GORASP1: variants seen among roughly 807,000 people sequenced by gnomAD.
GORASP1 encodes golgi reassembly stacking protein 1, also known as Golgi reassembly-stacking protein 1.
In GORASP1, 31 loss-of-function variants were observed where a neutral mutation model predicts 37.7. That is an observed-to-expected ratio of 0.82 (90% confidence interval 0.62 to 1.11). GORASP1 has a LOEUF of 1.11. GORASP1 is among the 50% of genes least tolerant of loss of function. The pLI, the probability that GORASP1 is intolerant of heterozygous loss-of-function variation, is 0.00. For missense variants in GORASP1, 476 were observed against 560.7 expected (o/e 0.85, Z 1.53); for synonymous variants, 204 against 224.8 (o/e 0.91, Z 0.83).
chr3:39,099,465 G>T lies in GORASP1; in HGVS notation c.804C>A (p.Pro268=), dbSNP rs751673615. Reference sequence around the variant, plus strand: ...GGCTGGGACTCCCAGGCCCAGGAAGGGGATCCTCCATGGAGGAGCCAGGTG... The same window carrying T: ...GGCTGGGACTCCCAGGCCCAGGAAGTGGATCCTCCATGGAGGAGCCAGGTG... ...LQAPGSSMED[P]LPGPGSPSHS... is the part of the protein sequence containing the mutation. The change falls in exon 7 of 9, where the codon CCC becomes CCA. Residue 268 remains proline, a synonymous_variant. Coordinates refer to ENST00000319283, the MANE Select transcript of GORASP1 (RefSeq NM_031899.4). 2 of 1,611,362 alleles carry T rather than the reference G, an allele frequency of 1.2e-6. No individual in the cohort carries two copies. The highest frequency in any genetic ancestry group is 1.7e-6 in the Non-Finnish European group (2 of 1,178,930).
rs867380586 is a variant in GORASP1 at position 39,100,945 on chromosome 3, T to C, written c.436-68A>G. The C allele has an allele frequency of 6.2e-7, 1 of 1,613,724 alleles. No homozygotes were observed. The highest frequency in any genetic ancestry group is 8.5e-7 in the Non-Finnish European group (1 of 1,179,638). On this transcript the variant is annotated intron_variant, in intron 4 of 8. Coordinates refer to ENST00000319283, the MANE Select transcript of GORASP1 (RefSeq NM_031899.4). The surrounding 1 kb of genome is among the most constrained non-coding windows in gnomAD (Gnocchi z 4.6). ...AAGCCTCAACAAAACCAGACACTTC[T>C]CATGGACAGCACCCTTCTCTTCACA...
intron 1 of GORASP1, chr3:39,106,988 C>A (rs1273694806): frequency 6.7e-6 from 3 of 445,802 alleles, no homozygotes; most frequent in South Asian, 4.8e-5. Flanking sequence ...CCCTTACGAC[C>A]CTACGACTGG....
chr3:39,098,706 T>A lies in GORASP1; in HGVS notation c.1069+35A>T, dbSNP rs1253495568. 6.2e-7 allele frequency: 1 copy of A among 1,606,016 alleles called. No homozygotes were observed. The highest frequency in any genetic ancestry group is 1.7e-5 in the Admixed American group (1 of 59,334). ...CAGCCTTCCCAACAACCCGGGGTCC[T>A]TCCCAGAGGACTTCGGAAGGTGATG... On this transcript the variant is annotated intron_variant, in intron 8 of 8. Transcript: ENST00000319283. This position sits in a 1 kb window ranked among gnomAD's most constrained non-coding sequence, Gnocchi z 4.7.
chr3:39,102,882 C>T lies in GORASP1; in HGVS notation c.145-1G>A, dbSNP rs1243966044. ...CCTTCAGGGTGTCATTCTCCTTGTT[C>T]TGTGGGGGCAATGGGGCTGACTCCA... On this transcript the variant is annotated splice_acceptor_variant, in intron 2 of 8. Coordinates refer to ENST00000319283, the MANE Select transcript of GORASP1 (RefSeq NM_031899.4). LOFTEE classifies it high-confidence loss of function. The surrounding 1 kb of genome is among the most constrained non-coding windows in gnomAD (Gnocchi z 5.0). The T allele has an allele frequency of 6.2e-7, 1 of 1,614,000 alleles. No homozygotes were observed. Among genetic ancestry groups the T allele is most frequent in the Non-Finnish European group, 8.5e-7 (1 of 1,179,994 alleles).
At chr3:39,099,241 T>G in intron 7 of GORASP1, 112 bp downstream of exon 7, 1 of 1,178,694 alleles carries the variant, frequency 8.5e-7, no homozygotes, top group East Asian at 2.4e-5. Flanking sequence ...ATTAAATATC[T>G]TGGTATACAT....
Position 39,107,505 on chromosome 3 carries a change from C to T in GORASP1, c.37G>A (p.Gly13Ser), listed in dbSNP as rs563985037. The T allele has an allele frequency of 6.8e-6, 10 of 1,462,884 alleles. No individual in the cohort carries two copies. The African/African-American group carries it at 1.2e-4, about 17-fold the overall frequency. The allele number at this position is 1,462,884 out of a possible 1,614,324, so 90.6% of individuals were successfully genotyped here. The change falls in exon 1 of 9, where the codon GGC (glycine) becomes AGC (serine). Residue 13 changes from glycine (G) to serine (S), a missense_variant. Transcript: ENST00000319283. ...LGVSAEQPAG[G>S]AEGFHLHGVQ... ...CCGTGGAGGTGGAAGCCCTCGGCGC[C>T]GCCTGCGGGCTGCTCAGCGCTGACG...
At chr3:39,107,333 AC>A (rs1289711946) in intron 1 of GORASP1, 145 bp downstream of exon 1, 5 of 505,020 alleles carry the variant, frequency 9.9e-6, no homozygotes, top group Non-Finnish European at 1.6e-5. Context: ...GGAGGCTCCC[AC>A]CGGGCAGGGG....
rs529887950 is a variant in GORASP1 at position 39,102,579 on chromosome 3, C to T, written c.348+99G>A. Reference sequence around the variant, plus strand: ...GGCCACTGCTCCAAGGCTCCCACTCCACTCCTGCATGTACCCCCTCACACC... The same window carrying T: ...GGCCACTGCTCCAAGGCTCCCACTCTACTCCTGCATGTACCCCCTCACACC... On this transcript the variant is annotated intron_variant, in intron 3 of 8. Coordinates refer to ENST00000319283, the MANE Select transcript of GORASP1 (RefSeq NM_031899.4). The surrounding 1 kb of genome is among the most constrained non-coding windows in gnomAD (Gnocchi z 5.0). 3.4e-6 allele frequency: 4 copies of T among 1,189,242 alleles called. No homozygotes were observed. The highest frequency in any genetic ancestry group is 1.5e-5 in the African/African-American group (1 of 66,494). The allele number at this position is 1,189,242 out of a possible 1,614,324, so 73.7% of individuals were successfully genotyped here.
In GORASP1 at chr3:39,100,859, G is replaced by C; in HGVS notation, c.454C>G (p.Leu152Val). The change falls in exon 5 of 9, where the codon CTC becomes GTC. Residue 152 changes from leucine (L) to valine (V), a missense_variant. By Grantham distance (32) the Leu-to-Val change is conservative. Transcript: ENST00000319283. The surrounding 1 kb of genome is among the most constrained non-coding windows in gnomAD (Gnocchi z 4.6). ...ILQESEDFFT[L>V]IESHEGKPLK... The stretch of plus-strand genomic sequence containing the variant: ...GGCTTCCCCTCATGAGACTCGATGA[G>C]CGTAAAGAAGTCCTCGGACTGTGAG... 6.2e-7 allele frequency: 1 copy of C among 1,614,182 alleles called. No homozygotes were observed. Among genetic ancestry groups the C allele is most frequent in the Non-Finnish European group, 8.5e-7 (1 of 1,180,006 alleles).
chr3:39,100,687 C>T lies in GORASP1; in HGVS notation c.566+60G>A. The T allele has an allele frequency of 6.3e-7, 1 of 1,594,372 alleles. No individual in the cohort carries two copies. On this transcript the variant is annotated intron_variant, in intron 5 of 8. Transcript: ENST00000319283. This position sits in a 1 kb window ranked among gnomAD's most constrained non-coding sequence, Gnocchi z 4.6. ...ATCTCCACCATAGAACTCTGAGGTC[C>T]ATGCCCAATGGTCAGGCCCCACCCA...
chr3:39,102,437 G>A lies in GORASP1; in HGVS notation c.348+241C>T. On this transcript the variant is annotated intron_variant, in intron 3 of 8. Transcript: ENST00000319283. The surrounding 1 kb of genome is among the most constrained non-coding windows in gnomAD (Gnocchi z 5.0). Reference sequence around the variant, plus strand: ...CAAATTAAGTAACCTAGGTATAGAAGGTAAGAAAGTACCCAAAGTCATGGC... The same window carrying A: ...CAAATTAAGTAACCTAGGTATAGAAAGTAAGAAAGTACCCAAAGTCATGGC... 1 of 587,698 alleles carries A rather than the reference G, an allele frequency of 1.7e-6. No individual in the cohort carries two copies. The highest frequency in any genetic ancestry group is 3.0e-6 in the Non-Finnish European group (1 of 328,342). 36.4% of individuals were successfully genotyped at this position (587,698 alleles called of 1,614,324 possible).
Position 39,105,301 on chromosome 3 carries a change from A to C in GORASP1, c.64-1748T>G, listed in dbSNP as rs7623343. Among the ~76,000 whole-genome samples, 76,547 of 151,882 alleles carry C rather than the reference A, an allele frequency of 0.5. 22,863 individuals carry two copies. Among genetic ancestry groups the C allele is most frequent in the African/African-American group, 0.85 (35,112 of 41,404 alleles). ...GGGGCTCCCATCACAGCCTGCCCCA[A>C]GGCCCTATAGTGCTGCTTTTCCTCA... On this transcript the variant is annotated intron_variant, in intron 1 of 8. Transcript: ENST00000319283. The surrounding 1 kb of genome is among the most constrained non-coding windows in gnomAD (Gnocchi z 5.4).
At position 39,103,517 on chromosome 3, in the gene GORASP1, C is replaced by T. The variant is rs756480316; in HGVS notation, c.100G>A (p.Glu34Lys). Reference protein sequence around the residue: ...ENSPAQQAGLEPYFDFIITIG... With the variant: ...ENSPAQQAGLKPYFDFIITIG... ...GTGATGATGAAGTCAAAGTAGGGCT[C>T]CAGGCCCGCCTGCTGGGCTGGGGAG... The change falls in exon 2 of 9, where the codon GAG becomes AAG. Residue 34 changes from glutamate (E) to lysine (K), a missense_variant. Coordinates refer to ENST00000319283, the MANE Select transcript of GORASP1 (RefSeq NM_031899.4). The surrounding 1 kb of genome is among the most constrained non-coding windows in gnomAD (Gnocchi z 5.2). The T allele has an allele frequency of 1.9e-6, 3 of 1,613,582 alleles. No homozygotes were observed. Among genetic ancestry groups the T allele is most frequent in the South Asian group, 2.2e-5 (2 of 91,054 alleles).
At chr3:39,099,211 A>G in intron 7 of GORASP1, 142 bp downstream of exon 7, 1 of 986,280 alleles carries the variant, frequency 1.0e-6, no homozygotes, top group Non-Finnish European at 1.6e-6. Context: ...TCTGTATACT[A>G]GATTGGATGA....
At chr3:39,099,228 A>G (rs779134597) in intron 7 of GORASP1, 125 bp downstream of exon 7, 1 of 1,093,626 alleles carries the variant, frequency 9.1e-7, no homozygotes, top group South Asian at 1.3e-5. Flanking sequence ...ATGATATGCA[A>G]CTATTAAATA....
intron 1 of GORASP1, 34 bp downstream of exon 1, chr3:39,107,445 C>T (rs750999316): frequency 6.2e-6 from 8 of 1,295,710 alleles, no homozygotes; most frequent in Non-Finnish European, 7.8e-6. Flanking sequence ...GCGGGCGCCT[C>T]GCCAAGGTCA....
At position 39,098,269 on chromosome 3, in the gene GORASP1, C is replaced by T. The variant is rs758937400; in HGVS notation, c.1290G>A (p.Leu430=). 6.2e-7 allele frequency: 1 copy of T among 1,614,162 alleles called. No homozygotes were observed. Among genetic ancestry groups the T allele is most frequent in the East Asian group, 2.2e-5 (1 of 44,876 alleles). ...TGGTAGAGATCTGGGCCTGGCTGTC[C>T]AGCCCCTCAGCCTCCGTCCCAGTAT... is the stretch of plus-strand genomic sequence containing the variant. ...GLDTGTEAEG[L]DSQAQISTTE The change falls in exon 9 of 9, where the codon CTG becomes CTA. Residue 430 remains leucine (L), a synonymous_variant. Coordinates refer to ENST00000319283, the MANE Select transcript of GORASP1 (RefSeq NM_031899.4). This position sits in a 1 kb window ranked among gnomAD's most constrained non-coding sequence, Gnocchi z 4.7.
In GORASP1 at chr3:39,101,112, G is replaced by A; in HGVS notation, c.349-10C>T. ...AAGATGGTTCCACATCCTGGGGAAA[G>A]AACCGCAAACCACTGGCCATGCTAC... On this transcript the variant is annotated splice_polypyrimidine_tract_variant and intron_variant, in intron 3 of 8. Coordinates refer to ENST00000319283, the MANE Select transcript of GORASP1 (RefSeq NM_031899.4). 2 of 1,613,922 alleles carry A rather than the reference G, an allele frequency of 1.2e-6. No individual in the cohort carries two copies. Among genetic ancestry groups the A allele is most frequent in the Non-Finnish European group, 8.5e-7 (1 of 1,179,820 alleles).
rs2035821250 is a variant in GORASP1 at position 39,103,048 on chromosome 3, G to A, written c.145-167C>T. ...GGATGGGCCAGGTTCACAGACCAGGGTTGAGCCTGCAGCCACTGGGACCCC... is the reference window on the plus strand; with the variant it reads ...GGATGGGCCAGGTTCACAGACCAGGATTGAGCCTGCAGCCACTGGGACCCC... On this transcript the variant is annotated intron_variant, in intron 2 of 8. Coordinates refer to ENST00000319283, the MANE Select transcript of GORASP1 (RefSeq NM_031899.4). The surrounding 1 kb of genome is among the most constrained non-coding windows in gnomAD (Gnocchi z 5.2). 6 of 672,000 alleles carry A rather than the reference G, an allele frequency of 8.9e-6. No individual in the cohort carries two copies. In the Admixed American group the frequency reaches 1.2e-4, roughly 13 times the overall value. 41.6% of individuals were successfully genotyped at this position (672,000 alleles called of 1,614,324 possible). A position where few individuals can be genotyped will look rare whatever the true frequency, so the allele number is the denominator to read the frequency against.
Sources: gnomAD v4.1 joint callset for allele counts (sites outside exome capture counted in the v4.1 genomes callset) on GRCh38, gnomAD v4.1.1 for gene constraint, Gnocchi (gnomAD v3.1) non-coding constraint, MANE v1.5 for transcripts, NCBI Gene and HGNC (gene_info 2026-07-23, HGNC 2026-07-21) for gene names.